RAI1: variants seen among roughly 807,000 people sequenced by gnomAD.
RAI1 encodes retinoic acid-induced protein 1.
Under a neutral mutation model 123.8 loss-of-function variants are expected in RAI1, and 9 were observed. The ratio of observed to expected loss-of-function variants is 0.07; its 90% CI spans 0.04 to 0.13. The LOEUF (loss-of-function observed/expected upper bound fraction) is 0.13. RAI1 is among the 10% of genes least tolerant of loss of function. The pLI is 1.00. For synonymous variants in RAI1, 1,231 were observed against 1,127.3 expected (o/e 1.09, Z -1.84); for missense variants, 2,256 against 2,545.8 (o/e 0.89, Z 2.45).
chr17:17,737,348 G>T (rs908066828), intron 2 of RAI1, among the ~76,000 whole-genome samples: 1 of 152,096 alleles, frequency 6.6e-6, no homozygotes, highest in African/African-American at 2.4e-5. Context: ...GGAGGGTCTT[G>T]CCCAGACTCA....
Position 17,796,159 on chromosome 17 carries a change from C to A in RAI1, c.3211C>A (p.Pro1071Thr). 4 of 1,560,580 alleles carry A rather than the reference C, an allele frequency of 2.6e-6. No individual in the cohort carries two copies. Among genetic ancestry groups the A allele is most frequent in the Non-Finnish European group, 3.5e-6 (4 of 1,151,914 alleles). Residue 1071 changes from proline to threonine, a missense_variant, in exon 3 of 6, where the codon CCC (proline) becomes ACC (threonine). By Grantham distance (38) the Pro-to-Thr change is conservative. Around this residue, in one of 7 missense-constraint regions of RAI1, gnomAD observed 566 missense variants for 616.0 expected, o/e 0.92. Coordinates refer to ENST00000353383, the MANE Select transcript of RAI1 (RefSeq NM_030665.4). The surrounding 1 kb of genome is among the most constrained non-coding windows in gnomAD (Gnocchi z 5.8). Reference sequence around the variant, plus strand: ...CCTGAGTGAGCCCCGCACGCCCGGACCCCCAGGCCTGACCACCACCCCTGC... The same window carrying A: ...CCTGAGTGAGCCCCGCACGCCCGGAACCCCAGGCCTGACCACCACCCCTGC... ...TALSEPRTPG[P>T]PGLTTTPAPP...
chr17:17,742,543 C>G (rs545978853), intron 2 of RAI1, among the ~76,000 whole-genome samples: 1 of 152,330 alleles, frequency 6.6e-6, no homozygotes, highest in African/African-American at 2.4e-5. Flanking sequence ...TCTCCCTAAG[C>G]TCTGGCACTG....
chr17:17,785,692 G>A (rs181452717), intron 2 of RAI1, among the ~76,000 whole-genome samples: 30 of 152,274 alleles, frequency 2.0e-4, no homozygotes, highest in Admixed American at 1.4e-3. Context: ...CAAGGCCGCT[G>A]AGTGCACCTC....
At chr17:17,712,490 T>C (rs556565390) in intron 1 of RAI1, among the ~76,000 whole-genome samples, 1 of 152,270 alleles carries the variant, frequency 6.6e-6, no homozygotes, top group Admixed American at 6.5e-5. Context: ...ATAGGTCAAA[T>C]GGCATAGGAG....
At chr17:17,767,500 C>T (rs550891633) in intron 2 of RAI1, among the ~76,000 whole-genome samples, 9 of 151,940 alleles carry the variant, frequency 5.9e-5, no homozygotes, top group Non-Finnish European at 1.3e-4. Flanking sequence ...TTAGTACTTT[C>T]GTGCATTTCC....
chr17:17,702,571 G>A (rs926983572), intron 1 of RAI1, among the ~76,000 whole-genome samples: 5 of 152,336 alleles, frequency 3.3e-5, no homozygotes, highest in Admixed American at 2.0e-4. Flanking sequence ...TGCCAGGAGC[G>A]TCAGGTGGCA....
intron 1 of RAI1, among the ~76,000 whole-genome samples, chr17:17,719,500 T>G (rs1046209285): frequency 2.0e-5 from 3 of 152,218 alleles, no homozygotes; most frequent in Admixed American, 6.5e-5. Flanking sequence ...TGCTCTTAAG[T>G]ATGAGCTCTG....
chr17:17,740,177 T>C (rs569250606), intron 2 of RAI1, among the ~76,000 whole-genome samples: 1 of 152,316 alleles, frequency 6.6e-6, no homozygotes, highest in Non-Finnish European at 1.5e-5. Context: ...TGGGAGACCC[T>C]TGGGCTTCTC....
chr17:17,694,302 C>T (rs1450688313), intron 1 of RAI1, among the ~76,000 whole-genome samples: 1 of 152,154 alleles, frequency 6.6e-6, no homozygotes, highest in Non-Finnish European at 1.5e-5. Context: ...CAAACTGCCC[C>T]CTCCTCGTCG....
chr17:17,793,977 C>T lies in RAI1; in HGVS notation c.1029C>T (p.Ser343=). ...QYYQTFSPSS[S]HSPARSVGRS... is the part of the protein sequence containing the mutation. ...ACCAGACCTTCAGCCCCAGCTCCAG[C>T]CACTCACCCGCCCGCTCCGTGGGCC... The change falls in exon 3 of 6, where the codon AGC becomes AGT. Residue 343 remains serine (S), a synonymous_variant. Transcript: ENST00000353383. 2 of 1,613,926 alleles carry T rather than the reference C, an allele frequency of 1.2e-6. No homozygotes were observed. The highest frequency in any genetic ancestry group is 8.5e-7 in the Non-Finnish European group (1 of 1,180,012).
intron 2 of RAI1, among the ~76,000 whole-genome samples, chr17:17,765,344 A>T (rs2030881858): frequency 6.6e-6 from 1 of 152,192 alleles, no homozygotes; most frequent in Non-Finnish European, 1.5e-5. Flanking sequence ...CAGGAGGTGG[A>T]GGGGAAGGTA....
At chr17:17,730,371 C>T (rs1916230203) in intron 2 of RAI1, among the ~76,000 whole-genome samples, 1 of 152,212 alleles carries the variant, frequency 6.6e-6, no homozygotes, top group Admixed American at 6.5e-5. Flanking sequence ...CCCCTAGGCC[C>T]CGCAGGGCCG....
intron 2 of RAI1, among the ~76,000 whole-genome samples, chr17:17,730,823 G>T (rs1317628812): frequency 6.6e-6 from 1 of 152,230 alleles, no homozygotes; most frequent in African/African-American, 2.4e-5. Context: ...GGGTAGGCTG[G>T]AGGAGGCCTT....
At chr17:17,761,332 C>G (rs2030688520) in intron 2 of RAI1, among the ~76,000 whole-genome samples, 1 of 151,846 alleles carries the variant, frequency 6.6e-6, no homozygotes, top group Admixed American at 6.6e-5. Flanking sequence ...GGCACACATG[C>G]AGCCACCAGA....
chr17:17,726,388 C>T (rs985107106), intron 2 of RAI1, among the ~76,000 whole-genome samples: 2 of 149,292 alleles, frequency 1.3e-5, no homozygotes, highest in East Asian at 2.0e-4. Context: ...TGAGGGAGGC[C>T]TGGGTGAGGC....
At chr17:17,754,843 A>G (rs1453849790) in intron 2 of RAI1, among the ~76,000 whole-genome samples, 1 of 152,206 alleles carries the variant, frequency 6.6e-6, no homozygotes, top group Non-Finnish European at 1.5e-5. Context: ...GAGTAACTAC[A>G]TAGTAGGTGC....
At chr17:17,787,652 C>T (rs999588202) in intron 2 of RAI1, among the ~76,000 whole-genome samples, 2 of 152,156 alleles carry the variant, frequency 1.3e-5, no homozygotes, top group African/African-American at 4.8e-5. Flanking sequence ...GTGGGCCCTG[C>T]GGCCCAGGTC....
chr17:17,792,985 A>G lies in RAI1; in HGVS notation c.37A>G (p.Lys13Glu). Residue 13 changes from lysine to glutamate, a missense_variant, in exon 3 of 6, where the codon AAA becomes GAA. Lys to Glu is a moderately conservative substitution (Grantham distance 56). Transcript: ENST00000353383. ...SFRERCGFHG[K>E]QQNYQQTSQE... ...TCGAGAAAGGTGTGGTTTCCATGGCAAACAACAGAACTACCAGCAGACCTC... is the reference window on the plus strand; with the variant it reads ...TCGAGAAAGGTGTGGTTTCCATGGCGAACAACAGAACTACCAGCAGACCTC... The G allele has an allele frequency of 6.2e-7, 1 of 1,600,278 alleles. No homozygotes were observed. The highest frequency in any genetic ancestry group is 8.5e-7 in the Non-Finnish European group (1 of 1,171,870).
chr17:17,715,439 T>G (rs192680984), intron 1 of RAI1, among the ~76,000 whole-genome samples: 15 of 152,320 alleles, frequency 9.8e-5, no homozygotes, highest in Non-Finnish European at 2.1e-4. Context: ...GAGGATTCCA[T>G]GTGGGGTGCT....
Sources: gnomAD v4.1 joint callset for allele counts (sites outside exome capture counted in the v4.1 genomes callset) on GRCh38, gnomAD v4.1.1 for gene constraint, gnomAD v4.1.1 regional missense constraint, Gnocchi (gnomAD v3.1) non-coding constraint, MANE v1.5 for transcripts, NCBI Gene and HGNC (gene_info 2026-07-23, HGNC 2026-07-21) for gene names.